Variants in BAZ2B observed in about 807,000 individuals in gnomAD.
BAZ2B encodes bromodomain adjacent to zinc finger domain protein 2B.
In BAZ2B, 91 loss-of-function variants were observed where a neutral mutation model predicts 246.0. The observed-to-expected ratio is 0.37, with a 90% CI of 0.31 to 0.44. BAZ2B has a LOEUF of 0.44. Ranked by LOEUF, BAZ2B falls within the 20% of genes least tolerant of loss-of-function variation. The pLI is 1.00. For synonymous variants in BAZ2B, 855 were observed against 860.0 expected, an observed-to-expected ratio of 0.99 and a Z score of 0.10; for missense variants, 2,332 against 2,533.7, an observed-to-expected ratio of 0.92 and a Z score of 1.71.
In BAZ2B at chr2:159,360,333, A is replaced by G. The variant is rs191601739; in HGVS notation, c.4214-9976T>C. Among the ~76,000 whole-genome samples, 1,293 of 152,346 alleles carry G rather than the reference A, an allele frequency of 8.5e-3. 6 individuals are homozygous for G. The highest frequency in any genetic ancestry group is 0.024 in the South Asian group (115 of 4,834). The stretch of plus-strand genomic sequence containing the variant: ...TAATAGACAAACAGAGAGCCAAATC[A>G]TGAGTGAACTCCCATTCACAATTGC... On this transcript the variant is annotated intron_variant, in intron 27 of 36. Coordinates refer to ENST00000392783, the MANE Select transcript of BAZ2B (RefSeq NM_013450.4).
At chr2:159,474,574 T>C (rs1474519043) in intron 3 of BAZ2B, among the ~76,000 whole-genome samples, 3 of 152,224 alleles carry the variant, frequency 2.0e-5, no homozygotes, top group Non-Finnish European at 2.9e-5. Flanking sequence ...TTAATATTGT[T>C]ATGTGTGAAT....
intron 30 of BAZ2B, 149 bp from the exon 31 acceptor site, chr2:159,347,795 C>G: frequency 1.5e-6 from 1 of 652,728 alleles, no homozygotes; most frequent in Non-Finnish European, 2.5e-6. Context: ...AGGCAGCTTA[C>G]TCTTAAAAGT....
chr2:159,412,545 C>A lies in BAZ2B; in HGVS notation c.2467G>T (p.Gly823Ter). 6.2e-7 allele frequency: 1 copy of A among 1,610,484 alleles called. No homozygotes were observed. The highest frequency in any genetic ancestry group is 2.2e-5 in the East Asian group (1 of 44,740). ...TCTTTCAAAAGACACCACTGCATTC[C>A]CTTTTAATTAACATTTTATAGAAAT... ...DFYEARDGPQ[G>*]MQWCLLKEED... Residue 823 changes from glycine (G) to a stop codon, truncating the protein, a stop_gained and splice_region_variant, in exon 14 of 37, where the codon GGA becomes TGA. Transcript: ENST00000392783. LOFTEE classifies it high-confidence loss of function.
At chr2:159,509,892 T>A (rs1218582184) in intron 2 of BAZ2B, among the ~76,000 whole-genome samples, 1 of 152,144 alleles carries the variant, frequency 6.6e-6, no homozygotes, top group Admixed American at 6.5e-5. Context: ...TGTACATTTA[T>A]ACATACTAGT....
rs1332072081 is a variant in BAZ2B at position 159,431,117 on chromosome 2, T to G, written c.1940A>C (p.Glu647Ala). The G allele has an allele frequency of 1.2e-6, 2 of 1,611,716 alleles. No individual in the cohort carries two copies. Among genetic ancestry groups the G allele is most frequent in the Admixed American group, 1.7e-5 (1 of 59,928 alleles). Reference protein sequence around the residue: ...SNSESDTEGSEEEDDDDKDQD... With the variant: ...SNSESDTEGSAEEDDDDKDQD... The stretch of plus-strand genomic sequence containing the variant: ...GTCTTTATCATCATCATCTTCTTCT[T>G]CTGATCCTTCTGTATCTGATTCTGA... Residue 647 changes from glutamate (E) to alanine (A), a missense_variant, in exon 10 of 37, where the codon GAA becomes GCA. Physicochemically the swap from Glu to Ala is moderately radical, Grantham distance 107 (BLOSUM62 -1). Transcript: ENST00000392783.
chr2:159,702,087 A>G, the BAZ2B span, among the ~76,000 whole-genome samples: 35 of 151,404 alleles, frequency 2.3e-4, no homozygotes, highest in Admixed American at 2.2e-3. Context: ...TTTTCACTAC[A>G]TATCTGTGCC....
At chr2:159,393,096 C>A (rs995172650) in intron 20 of BAZ2B, among the ~76,000 whole-genome samples, 8 of 144,012 alleles carry the variant, frequency 5.6e-5, no homozygotes, top group Non-Finnish European at 9.2e-5. Flanking sequence ...ACCGTTCATT[C>A]AGGAATAATA....
At chr2:159,463,124 G>T in intron 3 of BAZ2B, 2 of 667,494 alleles carry the variant, frequency 3.0e-6, no homozygotes, top group South Asian at 3.3e-5. Flanking sequence ...TCCCTGAGGA[G>T]ACTGTCATTA....
chr2:159,327,896 C>G (rs1027988473), intron 34 of BAZ2B, among the ~76,000 whole-genome samples: 5 of 152,046 alleles, frequency 3.3e-5, no homozygotes, highest in African/African-American at 1.2e-4. Flanking sequence ...GAAACCCCGT[C>G]TCTACCAAAA....
Position 159,439,226 on chromosome 2 carries a change from A to T in BAZ2B, c.697-14T>A. On this transcript the variant is annotated splice_polypyrimidine_tract_variant and intron_variant, in intron 6 of 36. Transcript: ENST00000392783. Reference sequence around the variant, plus strand: ...CTTCCTTGGTTTCTGGATAACGACAAGGTAGTTGGCAAGACTTTATTTTTG... The same window carrying T: ...CTTCCTTGGTTTCTGGATAACGACATGGTAGTTGGCAAGACTTTATTTTTG... 2 of 1,603,908 alleles carry T rather than the reference A, an allele frequency of 1.2e-6. No individual in the cohort carries two copies. The highest frequency in any genetic ancestry group is 1.7e-6 in the Non-Finnish European group (2 of 1,174,028).
At chr2:159,425,790 T>C (rs1317429855) in intron 13 of BAZ2B, among the ~76,000 whole-genome samples, 1 of 152,214 alleles carries the variant, frequency 6.6e-6, no homozygotes, top group Non-Finnish European at 1.5e-5. Context: ...TTTCACATCA[T>C]AATTACTATA....
At chr2:159,333,160 G>A (rs949534445) in intron 33 of BAZ2B, among the ~76,000 whole-genome samples, 17 of 151,968 alleles carry the variant, frequency 1.1e-4, no homozygotes, top group African/African-American at 1.4e-4. Context: ...TCATAATTAC[G>A]TATAATAAAA....
intron 20 of BAZ2B, 134 bp from the exon 21 acceptor site, chr2:159,389,619 G>T: frequency 1.3e-6 from 1 of 793,714 alleles, no homozygotes; most frequent in Non-Finnish European, 1.8e-6. Context: ...ATAATCTTAT[G>T]ACTGTATATA....
At chr2:159,430,454 T>C (rs749876756) in intron 10 of BAZ2B, among the ~76,000 whole-genome samples, 4 of 152,228 alleles carry the variant, frequency 2.6e-5, no homozygotes, top group African/African-American at 9.6e-5. Context: ...TGGTCAATAG[T>C]AGGCTAACAG....
the BAZ2B span, among the ~76,000 whole-genome samples, chr2:159,686,312 G>T: frequency 6.6e-6 from 1 of 152,120 alleles, no homozygotes; most frequent in Admixed American, 6.5e-5. Flanking sequence ...AAGATATCAA[G>T]GTTTACCTCA....
Position 159,383,762 on chromosome 2 carries a change from C to T in BAZ2B, c.3687-82G>A, listed in dbSNP as rs528350876. On this transcript the variant is annotated intron_variant, in intron 23 of 36. Transcript: ENST00000392783. ...AATTTGATATGCAATAAACTTGATA[C>T]GTAAATTAATGCATTTTTGAATAAG... is the stretch of plus-strand genomic sequence containing the variant. 2.2e-3 allele frequency: 2,633 copies of T among 1,204,086 alleles called. 3 individuals carry two copies. The highest frequency in any genetic ancestry group is 2.8e-3 in the Non-Finnish European group (2,335 of 847,382). The allele number at this position is 1,204,086 out of a possible 1,614,324, so 74.6% of individuals were successfully genotyped here.
intron 27 of BAZ2B, among the ~76,000 whole-genome samples, chr2:159,355,395 A>G (rs769793559): frequency 1.7e-4 from 26 of 152,296 alleles, no homozygotes; most frequent in Non-Finnish European, 3.1e-4. Flanking sequence ...GACTAAAGGA[A>G]GCAGATTCTT....
At chr2:159,597,214 T>C (rs1298338778) in intron 1 of BAZ2B, among the ~76,000 whole-genome samples, 1 of 152,226 alleles carries the variant, frequency 6.6e-6, no homozygotes, top group Non-Finnish European at 1.5e-5. Context: ...TGTCTACTCA[T>C]GTCCTTAGCC....
chr2:159,496,783 C>CAAAAAA (rs10713062), intron 2 of BAZ2B, among the ~76,000 whole-genome samples: 3 of 64,204 alleles, frequency 4.7e-5, no homozygotes, highest in African/African-American at 6.1e-5. Flanking sequence ...AACTCCGTCT[C>CAAAAAA]AAAAAAAAAA....
Sources: allele counts gnomAD v4.1 joint callset (sites outside exome capture counted in the v4.1 genomes callset), GRCh38; gene constraint gnomAD v4.1.1; transcripts MANE v1.5; gene names NCBI Gene and HGNC (gene_info 2026-07-23, HGNC 2026-07-21).